The following DDX60L variants were observed in gnomAD, a reference collection of about 807,000 sequenced individuals.
DDX60L encodes DExD/H-box 60 like.
DDX60L carries 191 observed loss-of-function variants against 211.6 expected under a neutral mutation model. The ratio of observed to expected loss-of-function variants is 0.90; its 90% CI spans 0.80 to 1.02. The LOEUF (loss-of-function observed/expected upper bound fraction) is 1.02, where lower values mean the gene tolerates loss of function less well. Ranked by LOEUF, DDX60L falls within the 50% of genes least tolerant of loss-of-function variation. The probability of loss-of-function intolerance (pLI) is 0.00; values close to 1 mark genes in which losing one functional copy is unlikely to be tolerated. For synonymous variants in DDX60L, 706 were observed against 694.1 expected (o/e 1.02, Z -0.27); for missense variants, 2,007 against 1,984.1 (o/e 1.01, Z -0.22).
chr4:168,406,423 C>T (rs771872024), intron 23 of DDX60L, among the ~76,000 whole-genome samples, 179 bp downstream of exon 23: 8 of 151,992 alleles, frequency 5.3e-5, no homozygotes, highest in Non-Finnish European at 7.4e-5. Context: ...TTCCATGCTA[C>T]GTACAATAAT....
intron 31 of DDX60L, 89 bp from the exon 32 acceptor site, chr4:168,379,593 G>T: frequency 8.5e-7 from 1 of 1,176,766 alleles, no homozygotes; most frequent in Non-Finnish European, 1.2e-6. Flanking sequence ...AATATTACCT[G>T]ACTTCATTTA....
intron 28 of DDX60L, among the ~76,000 whole-genome samples, chr4:168,393,427 C>T (rs1745205833): frequency 2.0e-5 from 3 of 151,934 alleles, no homozygotes; most frequent in South Asian, 2.1e-4. Context: ...ACCCAGGAGG[C>T]GGAGGTTGCA....
chr4:168,397,905 G>A (rs1324639311), intron 26 of DDX60L, among the ~76,000 whole-genome samples: 3 of 152,194 alleles, frequency 2.0e-5, no homozygotes, highest in Non-Finnish European at 2.9e-5. Flanking sequence ...AGCTGCAGCT[G>A]CAGCTGCAGA....
chr4:168,477,588 T>C (rs921634311), intron 1 of DDX60L, among the ~76,000 whole-genome samples: 1 of 152,162 alleles, frequency 6.6e-6, no homozygotes. Flanking sequence ...TTCATCCTCA[T>C]CTTAGATGTA....
chr4:168,428,628 G>T (rs898025418), intron 13 of DDX60L, among the ~76,000 whole-genome samples: 1 of 152,082 alleles, frequency 6.6e-6, no homozygotes, highest in African/African-American at 2.4e-5. Context: ...GCTCTTTCAC[G>T]TATTTAGCAT....
rs576090053 is a variant in DDX60L, at chr4:168,373,754, C to A, written c.4688G>T (p.Cys1563Phe). ...TGAAATGGCTACTCTTCCTTTCTTG[C>A]AGCTCATCAAGTGAGACACGAGTTG... Reference protein sequence around the residue: ...DSQLVSHLMSCKKGRVAISPF... With the variant: ...DSQLVSHLMSFKKGRVAISPF... The change falls in exon 35 of 38, where the codon TGC becomes TTC. Residue 1563 changes from cysteine (C) to phenylalanine (F), a missense_variant. Physicochemically the swap from Cys to Phe is radical, Grantham distance 205. Coordinates refer to ENST00000682922, the MANE Select transcript of DDX60L (RefSeq NM_001012967.3). The A allele has an allele frequency of 5.0e-6, 8 of 1,614,034 alleles. No homozygotes were observed. In the South Asian group the frequency reaches 7.7e-5, roughly 16 times the overall value.
intron 33 of DDX60L, chr4:168,377,752 T>A (rs1230366783): frequency 3.3e-5 from 5 of 152,140 alleles, no homozygotes; most frequent in Non-Finnish European, 7.4e-5. Context: ...TTCACTAGGG[T>A]TACTGGATAG....
At chr4:168,462,886 T>C (rs1216042381) in intron 4 of DDX60L, among the ~76,000 whole-genome samples, 1 of 152,072 alleles carries the variant, frequency 6.6e-6, no homozygotes, top group East Asian at 1.9e-4. Flanking sequence ...TCCCTGATCA[T>C]TAGAGAAATG....
At chr4:168,465,154 AT>A (rs34617112) in intron 4 of DDX60L, among the ~76,000 whole-genome samples, 65,175 of 150,120 alleles carry the variant, frequency 0.43, 14,315 homozygotes, top group South Asian at 0.49. Context: ...CCTTACTAGC[AT>A]TTTTTTTTTG....
At chr4:168,443,588 AG>A (rs1356368933) in intron 9 of DDX60L, among the ~76,000 whole-genome samples, 1 of 152,132 alleles carries the variant, frequency 6.6e-6, no homozygotes, top group Non-Finnish European at 1.5e-5. Flanking sequence ...GATTCACCAA[AG>A]TTCAAATGAA....
chr4:168,442,409 C>T (rs1295702011), intron 9 of DDX60L, among the ~76,000 whole-genome samples: 5 of 151,980 alleles, frequency 3.3e-5, no homozygotes, highest in South Asian at 2.1e-4. Context: ...AACTGCAAGG[C>T]GGCAGCGAGG....
At chr4:168,449,394 T>A (rs1456076388) in intron 8 of DDX60L, among the ~76,000 whole-genome samples, 1 of 126,280 alleles carries the variant, frequency 7.9e-6, no homozygotes, top group Non-Finnish European at 1.6e-5. Context: ...ATATTCTCAC[T>A]CATAGGTGGG....
At chr4:168,454,780 A>C in intron 7 of DDX60L, among the ~76,000 whole-genome samples, 1 of 20,442 alleles carries the variant, frequency 4.9e-5, no homozygotes, top group Non-Finnish European at 9.1e-5. Context: ...TTTTTTTTTT[A>C]GCAGCTAGAA....
intron 12 of DDX60L, 29 bp downstream of exon 12, chr4:168,432,426 C>T: frequency 1.5e-6 from 2 of 1,317,466 alleles, no homozygotes; most frequent in Non-Finnish European, 2.1e-6. Context: ...TTCATATAAG[C>T]TCTATTTTAT....
intron 4 of DDX60L, among the ~76,000 whole-genome samples, chr4:168,468,313 C>T (rs1204593310): frequency 6.6e-6 from 1 of 151,870 alleles, no homozygotes; most frequent in Non-Finnish European, 1.5e-5. Flanking sequence ...CTAAGGTTTT[C>T]CCAGGAATAA....
intron 4 of DDX60L, among the ~76,000 whole-genome samples, chr4:168,466,303 A>T (rs1467134561): frequency 6.6e-6 from 1 of 152,204 alleles, no homozygotes; most frequent in Non-Finnish European, 1.5e-5. Context: ...CACTAACTAG[A>T]TTAATCAAGA....
chr4:168,415,388 A>G lies in DDX60L; in HGVS notation c.2979+20T>C, dbSNP rs771668289. 1.3e-6 allele frequency: 2 copies of G among 1,547,642 alleles called. No homozygotes were observed. Among genetic ancestry groups the G allele is most frequent in the Non-Finnish European group, 1.8e-6 (2 of 1,133,852 alleles). Reference sequence around the variant, plus strand: ...ACACTAAAAATTCCACTAACAGGACAAATACACTTTTATACTTACAATATC... The same window carrying G: ...ACACTAAAAATTCCACTAACAGGACGAATACACTTTTATACTTACAATATC... On this transcript the variant is annotated intron_variant, in intron 22 of 37. Transcript: ENST00000682922.
At chr4:168,437,543 G>C (rs896029319) in intron 10 of DDX60L, among the ~76,000 whole-genome samples, 20 of 152,150 alleles carry the variant, frequency 1.3e-4, no homozygotes, top group Admixed American at 8.5e-4. Flanking sequence ...ATTTAAGACT[G>C]AGTTCTGAGC....
chr4:168,430,355 G>C, intron 13 of DDX60L, 123 bp downstream of exon 13: 2 of 848,394 alleles, frequency 2.4e-6, no homozygotes, highest in Non-Finnish European at 3.5e-6. Context: ...TGTGAGAATG[G>C]ACTAAGACAG....
Sources: gnomAD v4.1 joint callset for allele counts (sites outside exome capture counted in the v4.1 genomes callset) on GRCh38, gnomAD v4.1.1 for gene constraint, MANE v1.5 for transcripts, NCBI Gene and HGNC (gene_info 2026-07-23, HGNC 2026-07-21) for gene names.